The following CLNK variants were observed in gnomAD, a reference collection of about 807,000 sequenced individuals.
The protein encoded by CLNK is cytokine-dependent hematopoietic cell linker.
CLNK carries 74 observed loss-of-function variants against 68.6 expected under a neutral mutation model. The ratio of observed to expected loss-of-function variants is 1.08; its 90% confidence interval spans 0.89 to 1.31. CLNK has a LOEUF of 1.31. Among genes scored for constraint, CLNK ranks in the 50% most tolerant of loss-of-function variants. The pLI is 0.00. For missense variants in CLNK, 553 were observed against 515.3 expected, an observed-to-expected ratio of 1.07 and a Z score of -0.71; for synonymous variants, 198 against 172.2, an observed-to-expected ratio of 1.15 and a Z score of -1.17.
intron 17 of CLNK, among the ~76,000 whole-genome samples, chr4:10,503,920 TA>T (rs1303998143): frequency 6.9e-6 from 1 of 144,886 alleles, no homozygotes; most frequent in Admixed American, 6.9e-5. Context: ...GTAGCTGGGA[TA>T]ACAGGCACCC....
the CLNK span, among the ~76,000 whole-genome samples, chr4:10,697,909 A>G: frequency 6.6e-6 from 1 of 152,208 alleles, no homozygotes; most frequent in African/African-American, 2.4e-5. Flanking sequence ...TGAATCCAAG[A>G]AATTGTAGAT....
chr4:10,654,973 C>A (rs1214900725), intron 2 of CLNK, among the ~76,000 whole-genome samples: 1 of 151,594 alleles, frequency 6.6e-6, no homozygotes, highest in Non-Finnish European at 1.5e-5. Flanking sequence ...GCGGTGGCAG[C>A]GCCTGTAGTC....
At chr4:10,600,063 G>A (rs985005016) in intron 2 of CLNK, among the ~76,000 whole-genome samples, 1 of 152,158 alleles carries the variant, frequency 6.6e-6, no homozygotes, top group East Asian at 1.9e-4. Flanking sequence ...CAGTGGCTTT[G>A]AATCCCATTT....
At chr4:10,509,526 CTTTT>C (rs34708664) in intron 16 of CLNK, among the ~76,000 whole-genome samples, 1 of 142,284 alleles carries the variant, frequency 7.0e-6, no homozygotes, top group Non-Finnish European at 1.5e-5. Context: ...AAAGTCACCT[CTTTT>C]TTTTTTTTTT....
the CLNK span, among the ~76,000 whole-genome samples, chr4:10,703,611 A>G: frequency 6.6e-6 from 1 of 152,188 alleles, no homozygotes; most frequent in South Asian, 2.1e-4. Flanking sequence ...AGGGGGATAT[A>G]TTCTGAGAAA....
intron 2 of CLNK, among the ~76,000 whole-genome samples, chr4:10,610,055 T>G (rs1721949552): frequency 4.2e-5 from 5 of 120,470 alleles, no homozygotes; most frequent in Admixed American, 1.7e-4. Flanking sequence ...TTTTTTTTTT[T>G]TTTTTTTTTT....
chr4:10,688,426 C>G (rs1296636215), upstream of CLNK, among the ~76,000 whole-genome samples: 3 of 151,968 alleles, frequency 2.0e-5, no homozygotes, highest in Non-Finnish European at 4.4e-5. Flanking sequence ...CTTCTAAGGT[C>G]AATCATATTC....
intron 2 of CLNK, among the ~76,000 whole-genome samples, chr4:10,650,893 A>G (rs942052428): frequency 3.3e-5 from 5 of 152,228 alleles, no homozygotes; most frequent in African/African-American, 1.2e-4. Context: ...TAGGTAAAGG[A>G]TATGAACAGA....
At chr4:10,721,875 TG>T in the CLNK span, among the ~76,000 whole-genome samples, 1 of 152,162 alleles carries the variant, frequency 6.6e-6, no homozygotes, top group African/African-American at 2.4e-5. Context: ...ACATACTGCT[TG>T]GCATAAAAAT....
chr4:10,711,251 C>A, the CLNK span, among the ~76,000 whole-genome samples: 1 of 152,150 alleles, frequency 6.6e-6, no homozygotes, highest in Non-Finnish European at 1.5e-5. Flanking sequence ...AACAGGGAGA[C>A]CTCTGAGGTC....
Position 10,566,119 on chromosome 4 carries a change from G to T in CLNK, c.182C>A (p.Ala61Glu). ...ATAGTCATCATCACTGTGGCCTTTTGCTCCATCCAGGACTGCAGCAAAGTT... is the reference window on the plus strand; with the variant it reads ...ATAGTCATCATCACTGTGGCCTTTTTCTCCATCCAGGACTGCAGCAAAGTT... ...ERNFAAVLDG[A>E]KGHSDDDYDD... is the part of the protein sequence containing the mutation. Residue 61 changes from alanine (A) to glutamate (E), a missense_variant, in exon 6 of 19, where the codon GCA (alanine) becomes GAA (glutamate). By Grantham distance (107) the Ala-to-Glu change is moderately radical. Transcript: ENST00000226951. The T allele has an allele frequency of 1.2e-6, 2 of 1,613,852 alleles. No individual in the cohort carries two copies. Among genetic ancestry groups the T allele is most frequent in the Non-Finnish European group, 1.7e-6 (2 of 1,179,820 alleles).
chr4:10,705,532 C>T, the CLNK span, among the ~76,000 whole-genome samples: 1 of 152,174 alleles, frequency 6.6e-6, no homozygotes, highest in Non-Finnish European at 1.5e-5. Flanking sequence ...AGAGGCTGCC[C>T]TTGTTCCTGG....
chr4:10,576,250 G>A lies in CLNK; in HGVS notation c.113-4472C>T, dbSNP rs150383330. ...CACCCAAACCCTTCCAGGTCTTCAC[G>A]TCTTCCTGGACCTGAAAGACAGATT... On this transcript the variant is annotated intron_variant, in intron 4 of 18. Coordinates refer to ENST00000226951, the MANE Select transcript of CLNK (RefSeq NM_052964.4). Among the ~76,000 whole-genome samples the A allele has an allele frequency of 3.2e-3, 492 of 152,222 alleles. 2 individuals are homozygous for A. Among genetic ancestry groups the A allele is most frequent in the African/African-American group, 0.011 (474 of 41,514 alleles).
At chr4:10,508,291 C>T (rs1272416765) in intron 16 of CLNK, among the ~76,000 whole-genome samples, 2 of 152,138 alleles carry the variant, frequency 1.3e-5, no homozygotes, top group Non-Finnish European at 2.9e-5. Flanking sequence ...CCTTCAGCAC[C>T]ACCTTCAGAA....
At chr4:10,555,700 T>C (rs565788113) in intron 8 of CLNK, among the ~76,000 whole-genome samples, 1 of 152,358 alleles carries the variant, frequency 6.6e-6, no homozygotes, top group African/African-American at 2.4e-5. Context: ...CTGCCATTAC[T>C]GAACCAACCA....
At chr4:10,589,042 A>G (rs1721087411) in intron 3 of CLNK, among the ~76,000 whole-genome samples, 1 of 152,204 alleles carries the variant, frequency 6.6e-6, no homozygotes, top group South Asian at 2.1e-4. Flanking sequence ...TAACGGTACT[A>G]TATCATATAA....
intron 2 of CLNK, among the ~76,000 whole-genome samples, chr4:10,633,156 T>C (rs1056805067): frequency 6.6e-6 from 1 of 152,330 alleles, no homozygotes; most frequent in Admixed American, 6.5e-5. Context: ...CAGGCTGGTC[T>C]CGAACTCCTG....
chr4:10,572,380 T>C (rs1560222031), intron 4 of CLNK, among the ~76,000 whole-genome samples: 3 of 152,218 alleles, frequency 2.0e-5, no homozygotes, highest in Admixed American at 6.5e-5. Context: ...TCAACACTCT[T>C]ATTTGGGCTT....
chr4:10,691,920 G>C, the CLNK span: 2 of 152,156 alleles, frequency 1.3e-5, no homozygotes, highest in Admixed American at 6.5e-5. Context: ...TCCTAGAATA[G>C]AAGATAAGAG....
Sources: allele counts gnomAD v4.1 joint callset (sites outside exome capture counted in the v4.1 genomes callset), GRCh38; gene constraint gnomAD v4.1.1; transcripts MANE v1.5; gene names NCBI Gene and HGNC (gene_info 2026-07-23, HGNC 2026-07-21).